NBAS: variants seen among roughly 807,000 people sequenced by gnomAD.
The protein encoded by NBAS is NAG/BC035112 fusion.
In NBAS, 219 loss-of-function variants were observed where a neutral mutation model predicts 302.5. The ratio of observed to expected loss-of-function variants is 0.72; its 90% CI spans 0.65 to 0.81. The LOEUF (loss-of-function observed/expected upper bound fraction) is 0.81. Ranked by LOEUF, NBAS falls within the 30% of genes least tolerant of loss-of-function variation. The pLI, the probability that NBAS is intolerant of heterozygous loss-of-function variation, is 0.00. For missense variants in NBAS, 2,932 were observed against 2,841.6 expected (o/e 1.03, Z -0.72); for synonymous variants, 1,118 against 1,021.6 (o/e 1.09, Z -1.80).
At chr2:14,828,286 G>A in the NBAS span, among the ~76,000 whole-genome samples, 1 of 152,188 alleles carries the variant, frequency 6.6e-6, no homozygotes, top group Non-Finnish European at 1.5e-5. Context: ...GGCTGATGGA[G>A]GCTACTTGGG....
At chr2:15,541,006 G>A (rs550946291) in intron 6 of NBAS, among the ~76,000 whole-genome samples, 1 of 152,224 alleles carries the variant, frequency 6.6e-6, no homozygotes, top group East Asian at 1.9e-4. Context: ...TTACAGGCGT[G>A]AGCCACCGCA....
At chr2:15,454,487 C>T (rs533857405) in intron 21 of NBAS, among the ~76,000 whole-genome samples, 1 of 152,168 alleles carries the variant, frequency 6.6e-6, no homozygotes, top group Admixed American at 6.5e-5. Context: ...TTTTAAAATG[C>T]AAATTTATTC....
At chr2:15,274,512 GA>G (rs1669478815) in intron 44 of NBAS, among the ~76,000 whole-genome samples, 1 of 152,132 alleles carries the variant, frequency 6.6e-6, no homozygotes, top group Admixed American at 6.6e-5. Flanking sequence ...TTCCAGGAGA[GA>G]GAATGCCCAG....
chr2:14,958,319 T>C, the NBAS span, among the ~76,000 whole-genome samples: 1 of 152,220 alleles, frequency 6.6e-6, no homozygotes, highest in East Asian at 1.9e-4. Flanking sequence ...GGAGTCTTTG[T>C]TTTCTCATCT....
chr2:14,949,103 A>G, the NBAS span, among the ~76,000 whole-genome samples: 2 of 152,212 alleles, frequency 1.3e-5, no homozygotes, highest in African/African-American at 4.8e-5. Flanking sequence ...AAATTGGATT[A>G]CAGACTTAAA....
intron 48 of NBAS, among the ~76,000 whole-genome samples, chr2:15,210,048 C>A (rs1483518997): frequency 6.6e-6 from 1 of 152,062 alleles, no homozygotes; most frequent in Non-Finnish European, 1.5e-5. Flanking sequence ...GGAAACTCTC[C>A]AGAACACTGG....
At chr2:14,821,147 C>T in the NBAS span, among the ~76,000 whole-genome samples, 331 of 152,136 alleles carry the variant, frequency 2.2e-3, no homozygotes, top group Admixed American at 5.8e-3. Context: ...AGAATGGTCT[C>T]GATCTCCTGA....
chr2:15,490,355 TTAAC>T (rs1338942742), intron 11 of NBAS, among the ~76,000 whole-genome samples: 1 of 152,126 alleles, frequency 6.6e-6, no homozygotes, highest in Non-Finnish European at 1.5e-5. Flanking sequence ...TAAAATTACT[TTAAC>T]TAGATATAAC....
At chr2:14,811,754 A>T in the NBAS span, among the ~76,000 whole-genome samples, 1 of 152,226 alleles carries the variant, frequency 6.6e-6, no homozygotes, top group Non-Finnish European at 1.5e-5. Flanking sequence ...AGAAACCAGG[A>T]ACCAGGAACC....
the NBAS span, among the ~76,000 whole-genome samples, chr2:15,046,728 G>T: frequency 6.6e-6 from 1 of 152,134 alleles, no homozygotes; most frequent in Non-Finnish European, 1.5e-5. Flanking sequence ...AGTTATTCTG[G>T]CCAACTGCAT....
intron 29 of NBAS, among the ~76,000 whole-genome samples, chr2:15,382,343 T>A (rs756412760): frequency 2.0e-4 from 31 of 152,158 alleles, no homozygotes; most frequent in Admixed American, 4.6e-4. Flanking sequence ...TAATATGCAC[T>A]AGGGGATATG....
the NBAS span, among the ~76,000 whole-genome samples, chr2:14,961,609 C>G: frequency 6.6e-6 from 1 of 152,146 alleles, no homozygotes; most frequent in East Asian, 1.9e-4. Context: ...CAATTAGCCT[C>G]ATGTCTTCCT....
the NBAS span, among the ~76,000 whole-genome samples, chr2:14,994,008 A>T: frequency 6.6e-6 from 1 of 152,156 alleles, no homozygotes; most frequent in Non-Finnish European, 1.5e-5. Flanking sequence ...TAGATATTAC[A>T]CAGGACTTTT....
intron 13 of NBAS, among the ~76,000 whole-genome samples, chr2:15,477,913 G>A (rs1572906501): frequency 6.6e-6 from 1 of 152,064 alleles, no homozygotes; most frequent in South Asian, 2.1e-4. Context: ...CCCAACCCGC[G>A]AGATAACTTT....
chr2:15,268,713 G>A (rs1054488432), intron 44 of NBAS, among the ~76,000 whole-genome samples: 3 of 152,134 alleles, frequency 2.0e-5, no homozygotes, highest in African/African-American at 7.2e-5. Context: ...GAGTAGTATA[G>A]GAGGACAAAA....
intron 21 of NBAS, among the ~76,000 whole-genome samples, chr2:15,430,939 T>C (rs988748709): frequency 4.6e-4 from 70 of 152,116 alleles, no homozygotes; most frequent in African/African-American, 1.4e-3. Flanking sequence ...CCTGAGTAGC[T>C]GGGACTACAG....
chr2:15,104,809 G>A, the NBAS span, among the ~76,000 whole-genome samples: 1 of 152,100 alleles, frequency 6.6e-6, no homozygotes, highest in African/African-American at 2.4e-5. Flanking sequence ...CAGTGACGAT[G>A]AGCTTTTTTT....
chr2:15,302,552 C>T (rs1430134129), intron 40 of NBAS, among the ~76,000 whole-genome samples: 1 of 152,060 alleles, frequency 6.6e-6, no homozygotes, highest in African/African-American at 2.4e-5. Context: ...AACTATGCCA[C>T]AGGGTGGGTG....
At chr2:15,195,895 C>A (rs1190761498) in intron 48 of NBAS, among the ~76,000 whole-genome samples, 1 of 152,174 alleles carries the variant, frequency 6.6e-6, no homozygotes, top group Admixed American at 6.5e-5. Flanking sequence ...CGCACACAGC[C>A]CCTTCCAAGG....
Sources: allele counts gnomAD v4.1 joint callset (sites outside exome capture counted in the v4.1 genomes callset), GRCh38; gene constraint gnomAD v4.1.1; transcripts MANE v1.5; gene names NCBI Gene and HGNC (gene_info 2026-07-23, HGNC 2026-07-21).